Variants in PAN3 observed in about 807,000 individuals in gnomAD.
PAN3 encodes PAN2-PAN3 deadenylation complex subunit PAN3.
PAN3 carries 19 observed loss-of-function variants against 96.2 expected under a neutral mutation model. That is an observed-to-expected ratio of 0.20 (90% CI 0.14 to 0.29). The LOEUF (loss-of-function observed/expected upper bound fraction) is 0.29, where lower values mean the gene tolerates loss of function less well. Among genes scored for constraint, PAN3 ranks in the 10% least tolerant of loss-of-function variants. The pLI is 1.00. For missense variants in PAN3, 882 were observed against 1,108.1 expected, an observed-to-expected ratio of 0.80 and a Z score of 2.90; for synonymous variants, 433 against 406.6, an observed-to-expected ratio of 1.06 and a Z score of -0.78.
chr13:28,162,177 CTTAA>C (rs1872959134), intron 1 of PAN3, among the ~76,000 whole-genome samples: 2 of 152,176 alleles, frequency 1.3e-5, no homozygotes, highest in Non-Finnish European at 2.9e-5. Flanking sequence ...GAAACTGAGA[CTTAA>C]GTATACTGTT....
intron 1 of PAN3, among the ~76,000 whole-genome samples, chr13:28,139,721 G>A (rs909865917): frequency 3.3e-5 from 5 of 152,080 alleles, no homozygotes; most frequent in Admixed American, 3.3e-4. Flanking sequence ...TTAATCGAGA[G>A]TTTAGAGTAG....
chr13:28,218,906 A>G (rs1881093129), intron 5 of PAN3, among the ~76,000 whole-genome samples: 1 of 152,160 alleles, frequency 6.6e-6, no homozygotes, highest in Admixed American at 6.5e-5. Flanking sequence ...CTATTTTATC[A>G]AGATATCAAT....
intron 1 of PAN3, among the ~76,000 whole-genome samples, chr13:28,156,833 A>T (rs1207530485): frequency 6.6e-6 from 1 of 151,960 alleles, no homozygotes; most frequent in Non-Finnish European, 1.5e-5. Flanking sequence ...TGTCTACCAA[A>T]AAATTTAAAA....
At chr13:28,185,684 T>G (rs1340145656) in intron 4 of PAN3, among the ~76,000 whole-genome samples, 1 of 152,208 alleles carries the variant, frequency 6.6e-6, no homozygotes. Flanking sequence ...AATTTTTTTA[T>G]GCCTTTTATA....
Position 28,138,614 on chromosome 13 carries a change from G to GCGGCGGCGGCGGCGGCGGCTC in PAN3, c.-40_-39insGGCGGCGGCGGCGGCTCCGGC, listed in dbSNP as rs1306460102. 2.2e-5 allele frequency: 11 copies of GCGGCGGCGGCGGCGGCGGCTC among 494,292 alleles called. No homozygotes were observed. The highest frequency in any genetic ancestry group is 3.8e-5 in the Non-Finnish European group (11 of 290,156). The allele number at this position is 494,292 out of a possible 1,614,324, so 30.6% of individuals were successfully genotyped here. A position where few individuals can be genotyped will look rare whatever the true frequency, so the allele number is the denominator to read the frequency against. ...TCCCCCGTCTATGGTGGTGGCGGCG[G>GCGGCGGCGGCGGCGGCGGCTC]CGGCTCCTCGGGCGGCGGCGGAAGA... On this transcript the variant is annotated 5_prime_UTR_variant, in exon 1 of 19. Coordinates refer to ENST00000380958, the MANE Select transcript of PAN3 (RefSeq NM_175854.8).
At chr13:28,231,429 T>C (rs1882545136) in intron 6 of PAN3, among the ~76,000 whole-genome samples, 4 of 152,194 alleles carry the variant, frequency 2.6e-5, no homozygotes, top group Non-Finnish European at 2.9e-5. Context: ...AAATTGACAT[T>C]ATGTGCCTGA....
chr13:28,167,800 C>T (rs891391554), intron 1 of PAN3, among the ~76,000 whole-genome samples: 11 of 151,928 alleles, frequency 7.2e-5, no homozygotes, highest in African/African-American at 2.2e-4. Flanking sequence ...GCTTAGATTG[C>T]GCCACCGCAC....
chr13:28,266,653 A>C (rs1886204721), intron 9 of PAN3, 62 bp from the exon 10 acceptor site: 10 of 1,322,994 alleles, frequency 7.6e-6, no homozygotes, highest in Non-Finnish European at 1.0e-5. Context: ...TGTCTTCTGT[A>C]TTTTTGAGAA....
intron 6 of PAN3, among the ~76,000 whole-genome samples, chr13:28,241,789 AT>A (rs1285924425): frequency 2.0e-5 from 3 of 152,086 alleles, no homozygotes; most frequent in African/African-American, 7.2e-5. Context: ...CATTTTTTGT[AT>A]TTTGATTATG....
At position 28,191,820 on chromosome 13, in the gene PAN3, GCCTTGA is replaced by G. The variant is rs201351644; in HGVS notation, c.691-5361_691-5356del. On this transcript the variant is annotated intron_variant, in intron 4 of 18. Transcript: ENST00000380958. ...TTGAGAGATGAGACATGTCACTGCAGCCTTGACCTCCTGGGCTCAAGCGATGCTCCC... is the reference window on the plus strand; with the variant it reads ...TTGAGAGATGAGACATGTCACTGCAGCCTCCTGGGCTCAAGCGATGCTCCC... 2.2e-4 allele frequency among the ~76,000 whole-genome samples: 34 copies of G among 152,134 alleles called. No homozygotes were observed. In the East Asian group the frequency reaches 4.2e-3, roughly 19 times the overall value.
At chr13:28,238,251 T>C (rs1334964250) in intron 6 of PAN3, among the ~76,000 whole-genome samples, 1 of 152,220 alleles carries the variant, frequency 6.6e-6, no homozygotes, top group African/African-American at 2.4e-5. Flanking sequence ...AGAAAAGTGA[T>C]ATAAGCGATT....
chr13:28,271,859 T>G, intron 13 of PAN3, 122 bp from the exon 14 acceptor site: 1 of 589,890 alleles, frequency 1.7e-6, no homozygotes. Flanking sequence ...TGGGGTAGGA[T>G]GGAAGTTAAA....
chr13:28,197,788 C>T (rs1447900546), intron 5 of PAN3, among the ~76,000 whole-genome samples: 1 of 151,732 alleles, frequency 6.6e-6, no homozygotes, highest in Non-Finnish European at 1.5e-5. Flanking sequence ...CCAGGCTGGT[C>T]TCGAACTCCT....
intron 6 of PAN3, among the ~76,000 whole-genome samples, chr13:28,246,941 TG>T (rs1286977597): frequency 1.3e-5 from 2 of 152,176 alleles, no homozygotes; most frequent in African/African-American, 4.8e-5. Flanking sequence ...AACCCAGCAG[TG>T]GGATTGCTGG....
chr13:28,138,702 C>T lies in PAN3; in HGVS notation c.45C>T (p.Ser15=). The change falls in exon 1 of 19, where the codon TCC becomes TCT. Residue 15 remains serine (S), a synonymous_variant. Transcript: ENST00000380958. ...TCCCGCCCCCCTCGGCCGCCGCCTC[C>T]CCTTCCTCCTCCTCGCTGGCGGCGG... is the stretch of plus-strand genomic sequence containing the variant. ...GGLPPPSAAA[S]PSSSSLAAAV... is the part of the protein sequence containing the mutation. 2 of 1,131,566 alleles carry T rather than the reference C, an allele frequency of 1.8e-6. No homozygotes were observed. The highest frequency in any genetic ancestry group is 1.1e-6 in the Non-Finnish European group (1 of 870,582). The allele number at this position is 1,131,566 out of a possible 1,614,324, so 70.1% of individuals were successfully genotyped here. A position where few individuals can be genotyped will look rare whatever the true frequency, so the allele number is the denominator to read the frequency against.
chr13:28,247,705 T>C (rs528353378), intron 6 of PAN3, among the ~76,000 whole-genome samples: 1 of 152,360 alleles, frequency 6.6e-6, no homozygotes, highest in African/African-American at 2.4e-5. Flanking sequence ...ATAGGTGTTC[T>C]TGGCACCGTT....
intron 1 of PAN3, among the ~76,000 whole-genome samples, chr13:28,142,027 A>G (rs182343604): frequency 6.5e-4 from 99 of 152,302 alleles, no homozygotes; most frequent in African/African-American, 2.3e-3. Flanking sequence ...TGATTTATGT[A>G]TTTAGATTCT....
At chr13:28,262,714 A>C (rs202125762) in intron 9 of PAN3, among the ~76,000 whole-genome samples, 1 of 26,830 alleles carries the variant, frequency 3.7e-5, no homozygotes, top group Non-Finnish European at 1.6e-4. Context: ...TTGAAATAAC[A>C]AACTGTAGAA....
intron 5 of PAN3, among the ~76,000 whole-genome samples, chr13:28,204,559 T>C (rs1400952643): frequency 2.0e-5 from 3 of 152,234 alleles, no homozygotes; most frequent in Non-Finnish European, 1.5e-5. Context: ...AATCATGATA[T>C]GTGTATAATG....
Sources: gnomAD v4.1 joint callset for allele counts (sites outside exome capture counted in the v4.1 genomes callset) on GRCh38, gnomAD v4.1.1 for gene constraint, MANE v1.5 for transcripts, NCBI Gene and HGNC (gene_info 2026-07-23, HGNC 2026-07-21) for gene names.